The following NYAP2 variants were observed in gnomAD, a reference collection of about 807,000 sequenced individuals.
The protein encoded by NYAP2 is neuronal tyrosine-phosphorylated phosphoinositide-3-kinase adapter 2.
A neutral mutation model predicts 50.4 loss-of-function variants in NYAP2; 23 were observed. That is an observed-to-expected ratio of 0.46 (90% CI 0.33 to 0.65). NYAP2 has a LOEUF of 0.65. NYAP2 is among the 30% of genes least tolerant of loss of function. The pLI is 0.02. For synonymous variants in NYAP2, 394 were observed against 365.2 expected, an observed-to-expected ratio of 1.08 and a Z score of -0.90; for missense variants, 885 against 861.0, an observed-to-expected ratio of 1.03 and a Z score of -0.35.
intron 5 of NYAP2, among the ~76,000 whole-genome samples, chr2:225,625,168 G>A (rs1314372): frequency 6.6e-4 from 98 of 149,346 alleles, no homozygotes; most frequent in African/African-American, 2.3e-3. Flanking sequence ...GTGATTATTA[G>A]ATAATCAGAT....
In NYAP2 at chr2:225,502,408, A is replaced by G. The variant is rs576433925; in HGVS notation, c.222-10963A>G. ...GAAGAAGGAAATAGAGAAGAATGTC[A>G]TTAAATAATAGTATCATCCATCCTG... On this transcript the variant is annotated intron_variant, in intron 3 of 6. Transcript: ENST00000636099. 3.3e-5 allele frequency among the ~76,000 whole-genome samples: 5 copies of G among 152,360 alleles called. No homozygotes were observed. In the South Asian group the frequency reaches 1.0e-3, roughly 32 times the overall value.
chr2:225,638,088 T>G (rs1693453722), intron 6 of NYAP2, among the ~76,000 whole-genome samples: 1 of 151,620 alleles, frequency 6.6e-6, no homozygotes, highest in African/African-American at 2.4e-5. Flanking sequence ...TTAAATAGAC[T>G]CTAGATATTA....
At position 225,506,572 on chromosome 2, in the gene NYAP2, T is replaced by C. The variant is rs114033524; in HGVS notation, c.222-6799T>C. ...CATTCTGCTGGAGCAGGGATCCTTC[T>C]GGTAGGATGGGCCAGGGGGATGTTC... is the stretch of plus-strand genomic sequence containing the variant. On this transcript the variant is annotated intron_variant, in intron 3 of 6. Coordinates refer to ENST00000636099, the Ensembl canonical transcript of NYAP2. 5.6e-3 allele frequency among the ~76,000 whole-genome samples: 853 copies of C among 152,312 alleles called. 8 individuals carry two copies. The highest frequency in any genetic ancestry group is 0.019 in the African/African-American group (798 of 41,576).
chr2:225,523,512 T>G (rs1574657749), intron 4 of NYAP2, among the ~76,000 whole-genome samples: 1 of 152,030 alleles, frequency 6.6e-6, no homozygotes, highest in South Asian at 2.1e-4. Context: ...TTCACCAAGG[T>G]AGTGAAACAT....
At chr2:225,677,529 T>C in the NYAP2 span, among the ~76,000 whole-genome samples, 3 of 151,954 alleles carry the variant, frequency 2.0e-5, no homozygotes, top group South Asian at 2.1e-4. Context: ...CCATTTGGCA[T>C]GATGTTGACT....
At chr2:225,570,782 A>T (rs1692055766) in intron 4 of NYAP2, among the ~76,000 whole-genome samples, 1 of 152,156 alleles carries the variant, frequency 6.6e-6, no homozygotes, top group Non-Finnish European at 1.5e-5. Context: ...ATGCATAATC[A>T]TGCCTTCCCA....
intron 3 of NYAP2, among the ~76,000 whole-genome samples, chr2:225,478,146 A>C (rs1690148568): frequency 6.6e-6 from 1 of 152,184 alleles, no homozygotes; most frequent in Non-Finnish European, 1.5e-5. Flanking sequence ...GTGTGAGGCA[A>C]ACTACACTTA....
chr2:225,616,240 G>A (rs1574710857), intron 5 of NYAP2, among the ~76,000 whole-genome samples: 2 of 152,200 alleles, frequency 1.3e-5, no homozygotes, highest in East Asian at 3.9e-4. Context: ...TATTTGAAGA[G>A]AAGGCATCCC....
chr2:225,446,776 G>A (rs1559182193), intron 3 of NYAP2, among the ~76,000 whole-genome samples: 2 of 152,054 alleles, frequency 1.3e-5, no homozygotes, highest in African/African-American at 2.4e-5. Flanking sequence ...GATTAACAGG[G>A]CCACAAGGAT....
chr2:225,415,371 A>G (rs1054729021), intron 3 of NYAP2, among the ~76,000 whole-genome samples: 1 of 152,208 alleles, frequency 6.6e-6, no homozygotes, highest in Non-Finnish European at 1.5e-5. Flanking sequence ...TTACTAATAC[A>G]TTGCTGCCCC....
At chr2:225,585,264 G>C (rs1470618710) in intron 5 of NYAP2, among the ~76,000 whole-genome samples, 1 of 152,182 alleles carries the variant, frequency 6.6e-6, no homozygotes, top group Non-Finnish European at 1.5e-5. Context: ...ATTAATGGAA[G>C]TTTCATCTTA....
chr2:225,548,163 ATGT>A (rs144268401), intron 4 of NYAP2, among the ~76,000 whole-genome samples: 4,153 of 151,780 alleles, frequency 0.027, 181 homozygotes, highest in African/African-American at 0.093. Flanking sequence ...AACTGAGGAG[ATGT>A]TGTCTGTGGA....
intron 5 of NYAP2, among the ~76,000 whole-genome samples, chr2:225,620,416 T>TGCACGCACACGCACGCACACAC (rs199972807): frequency 6.8e-6 from 1 of 146,656 alleles, no homozygotes; most frequent in Non-Finnish European, 1.5e-5. Context: ...CACGCACACA[T>TGCACGCACACGCACGCACACAC]GCACGCACAC....
chr2:225,571,027 G>C (rs886664228), intron 4 of NYAP2, among the ~76,000 whole-genome samples: 1 of 152,210 alleles, frequency 6.6e-6, no homozygotes, highest in Non-Finnish European at 1.5e-5. Flanking sequence ...ATCCAATAGG[G>C]TAGTCATTAA....
At chr2:225,635,020 A>C (rs1462003440) in intron 6 of NYAP2, among the ~76,000 whole-genome samples, 1 of 152,204 alleles carries the variant, frequency 6.6e-6, no homozygotes, top group Non-Finnish European at 1.5e-5. Context: ...CTTCTAAAAC[A>C]TATTTCCCGT....
chr2:225,635,721 G>A (rs1693402901), intron 6 of NYAP2, among the ~76,000 whole-genome samples: 1 of 152,174 alleles, frequency 6.6e-6, no homozygotes, highest in Non-Finnish European at 1.5e-5. Flanking sequence ...TTTTTGGGTT[G>A]CCTTGAGTCT....
intron 4 of NYAP2, among the ~76,000 whole-genome samples, chr2:225,566,893 G>A (rs529107677): frequency 1.3e-5 from 2 of 152,020 alleles, no homozygotes; most frequent in African/African-American, 2.4e-5. Context: ...TAGATCTCTC[G>A]GTTTGAGGAA....
At chr2:225,683,433 G>A in the NYAP2 span, among the ~76,000 whole-genome samples, 1 of 152,136 alleles carries the variant, frequency 6.6e-6, no homozygotes, top group African/African-American at 2.4e-5. Flanking sequence ...AAGCTAGCTG[G>A]CATCCTCAAT....
intron 6 of NYAP2, among the ~76,000 whole-genome samples, chr2:225,637,254 G>A (rs1187902111): frequency 6.6e-6 from 1 of 152,166 alleles, no homozygotes; most frequent in Non-Finnish European, 1.5e-5. Flanking sequence ...GTATTGATAA[G>A]GAGTATGAGT....
Sources: allele counts gnomAD v4.1 joint callset (sites outside exome capture counted in the v4.1 genomes callset), GRCh38; gene constraint gnomAD v4.1.1; transcripts MANE v1.5; gene names NCBI Gene and HGNC (gene_info 2026-07-23, HGNC 2026-07-21).